The following STK38 variants were observed in gnomAD, a reference collection of about 807,000 sequenced individuals.
STK38 encodes the protein serine/threonine kinase 38, also known as serine/threonine-protein kinase 38.
STK38 carries 26 observed loss-of-function variants against 59.0 expected under a neutral mutation model. The observed-to-expected ratio is 0.44, with a 90% CI of 0.32 to 0.61. STK38 has a LOEUF of 0.61. Ranked by LOEUF, STK38 falls within the 20% of genes least tolerant of loss-of-function variation. The pLI, the probability that STK38 is intolerant of heterozygous loss-of-function variation, is 0.04. For missense variants in STK38, 433 were observed against 566.0 expected, an observed-to-expected ratio of 0.76 and a Z score of 2.38; for synonymous variants, 175 against 176.6, an observed-to-expected ratio of 0.99 and a Z score of 0.07.
At chr6:36,510,242 T>C (rs1777075305) in intron 7 of STK38, among the ~76,000 whole-genome samples, 1 of 152,196 alleles carries the variant, frequency 6.6e-6, no homozygotes, top group Admixed American at 6.5e-5. Flanking sequence ...CTGCTTGGCC[T>C]CCCTCTCATG....
At chr6:36,498,621 T>G in intron 10 of STK38, 135 bp from the exon 11 acceptor site, 1 of 990,756 alleles carries the variant, frequency 1.0e-6, no homozygotes, top group Non-Finnish European at 1.4e-6. Flanking sequence ...AGGGTCTCAC[T>G]CTGTTACCTA....
chr6:36,506,475 A>G (rs1418370188), intron 9 of STK38, 108 bp downstream of exon 9: 1 of 1,156,670 alleles, frequency 8.6e-7, no homozygotes, highest in Non-Finnish European at 1.2e-6. Context: ...TAATCTTAAA[A>G]GCAAGGGATA....
At chr6:36,522,259 C>G (rs1012484399) in intron 4 of STK38, 1 of 155,774 alleles carries the variant, frequency 6.4e-6, no homozygotes, top group Non-Finnish European at 1.4e-5. Context: ...ATCGCTTGAG[C>G]TCAGGAGTTA....
Position 36,515,397 on chromosome 6 carries a change from G to T in STK38, c.610C>A (p.His204Asn). The T allele has an allele frequency of 6.2e-7, 1 of 1,614,044 alleles. No individual in the cohort carries two copies. Among genetic ancestry groups the T allele is most frequent in the Non-Finnish European group, 8.5e-7 (1 of 1,180,012 alleles). The change falls in exon 7 of 14, where the codon CAC becomes AAC. Residue 204 changes from histidine to asparagine, a missense_variant. Coordinates refer to ENST00000229812, the MANE Select transcript of STK38 (RefSeq NM_007271.4). ...AETVLAIDSI[H>N]QLGFIHRDIK... Reference sequence around the variant, plus strand: ...TCTCTGTGGATGAATCCAAGTTGGTGAATAGAGTCTATGGCTAATACTGTT... The same window carrying T: ...TCTCTGTGGATGAATCCAAGTTGGTTAATAGAGTCTATGGCTAATACTGTT...
chr6:36,504,996 G>C (rs1436620808), intron 9 of STK38, among the ~76,000 whole-genome samples: 2 of 148,538 alleles, frequency 1.3e-5, no homozygotes, highest in Non-Finnish European at 3.0e-5. Context: ...CCAAAAAATA[G>C]ATAAATATTA....
chr6:36,537,057 AG>A (rs1777809773), intron 2 of STK38, among the ~76,000 whole-genome samples: 2 of 152,142 alleles, frequency 1.3e-5, no homozygotes, highest in African/African-American at 4.8e-5. Flanking sequence ...GGACAAACAA[AG>A]AACTCCTGCA....
intron 5 of STK38, among the ~76,000 whole-genome samples, chr6:36,518,095 T>C (rs923769759): frequency 4.6e-5 from 7 of 152,200 alleles, no homozygotes; most frequent in Non-Finnish European, 5.9e-5. Context: ...TTAATGCAAA[T>C]AGCAACTTTA....
At chr6:36,517,890 G>C in intron 5 of STK38, 50 bp from the exon 6 acceptor site, 1 of 1,597,872 alleles carries the variant, frequency 6.3e-7, no homozygotes, top group African/African-American at 1.3e-5. Flanking sequence ...TGCTTTATTA[G>C]ATTGTATATT....
At chr6:36,534,107 G>T (rs776449813) in intron 2 of STK38, among the ~76,000 whole-genome samples, 2 of 152,052 alleles carry the variant, frequency 1.3e-5, no homozygotes, top group Non-Finnish European at 2.9e-5. Context: ...ATAATACAAT[G>T]TCATCAAGAG....
rs753542463 is a variant in STK38 at position 36,495,747 on chromosome 6, A to C, written c.*37T>G. ...AGAGGAAAAGCATGATGTTATACAA[A>C]GAACTCTGCTCCACATAGGATTCCG... On this transcript the variant is annotated 3_prime_UTR_variant, in exon 14 of 14. Coordinates refer to ENST00000229812, the MANE Select transcript of STK38 (RefSeq NM_007271.4). 6.2e-7 allele frequency: 1 copy of C among 1,612,408 alleles called. No individual in the cohort carries two copies. The highest frequency in any genetic ancestry group is 8.5e-7 in the Non-Finnish European group (1 of 1,178,958).
At chr6:36,542,477 T>G (rs758800654) in intron 1 of STK38, among the ~76,000 whole-genome samples, 3 of 152,168 alleles carry the variant, frequency 2.0e-5, no homozygotes, top group Non-Finnish European at 4.4e-5. Flanking sequence ...GAATATTTTT[T>G]TCCTAAATTT....
At chr6:36,526,649 C>T (rs1049077009) in intron 2 of STK38, among the ~76,000 whole-genome samples, 3 of 152,146 alleles carry the variant, frequency 2.0e-5, no homozygotes, top group Admixed American at 6.5e-5. Flanking sequence ...AACCCCAACA[C>T]TTTGGGAGGC....
At chr6:36,540,274 C>T (rs560654277) in intron 1 of STK38, 67 bp from the exon 2 acceptor site, 16 of 1,521,342 alleles carry the variant, frequency 1.1e-5, no homozygotes, top group Middle Eastern at 1.7e-4. Flanking sequence ...CACTCTCCTA[C>T]CCTATTGGTA....
At chr6:36,509,938 T>C (rs1777067026) in intron 7 of STK38, among the ~76,000 whole-genome samples, 1 of 152,144 alleles carries the variant, frequency 6.6e-6, no homozygotes, top group Non-Finnish European at 1.5e-5. Flanking sequence ...CCAGGGTTTG[T>C]ATGGGTTTCA....
chr6:36,536,918 C>G (rs183030951), intron 2 of STK38, among the ~76,000 whole-genome samples: 1 of 151,430 alleles, frequency 6.6e-6, no homozygotes, highest in Non-Finnish European at 1.5e-5. Flanking sequence ...AAAAAAAATG[C>G]CAAATTTTAT....
intron 5 of STK38, 88 bp downstream of exon 5, chr6:36,521,646 T>G: frequency 1.0e-6 from 1 of 954,956 alleles, no homozygotes; most frequent in South Asian, 2.1e-5. Context: ...AAAACTGTAA[T>G]AAAAATATAT....
intron 2 of STK38, among the ~76,000 whole-genome samples, chr6:36,527,908 G>A (rs188964409): frequency 1.9e-4 from 28 of 150,342 alleles, no homozygotes; most frequent in African/African-American, 6.4e-4. Flanking sequence ...GACCATCCTG[G>A]CTAACACAGA....
intron 2 of STK38, among the ~76,000 whole-genome samples, chr6:36,535,902 T>C (rs1350037538): frequency 6.8e-6 from 1 of 147,634 alleles, no homozygotes; most frequent in African/African-American, 2.5e-5. Flanking sequence ...AGCAACATAA[T>C]TCCATTGGGC....
chr6:36,503,073 C>T (rs1461814190), intron 9 of STK38, among the ~76,000 whole-genome samples: 1 of 152,202 alleles, frequency 6.6e-6, no homozygotes, highest in Non-Finnish European at 1.5e-5. Context: ...TTCTGAATGT[C>T]TCCTGGTTCA....
Sources: gnomAD v4.1 joint callset for allele counts (sites outside exome capture counted in the v4.1 genomes callset) on GRCh38, gnomAD v4.1.1 for gene constraint, MANE v1.5 for transcripts, NCBI Gene and HGNC (gene_info 2026-07-23, HGNC 2026-07-21) for gene names.